The following RBFOX3 variants were observed in gnomAD, a reference collection of about 807,000 sequenced individuals.
RBFOX3 encodes RNA binding protein fox-1 homolog 3.
RBFOX3 carries 17 observed loss-of-function variants against 48.7 expected under a neutral mutation model. That is an observed-to-expected ratio of 0.35 (90% confidence interval 0.24 to 0.52). The LOEUF (loss-of-function observed/expected upper bound fraction) is 0.52. Ranked by LOEUF, RBFOX3 falls within the 20% of genes least tolerant of loss-of-function variation. The probability of loss-of-function intolerance (pLI) is 0.94; values close to 1 mark genes in which losing one functional copy is unlikely to be tolerated. For missense variants in RBFOX3, 382 were observed against 497.5 expected (o/e 0.77, Z 2.21); for synonymous variants, 212 against 209.5 (o/e 1.01, Z -0.10).
chr17:79,209,491 G>A (rs947008739), intron 4 of RBFOX3, among the ~76,000 whole-genome samples: 3 of 152,286 alleles, frequency 2.0e-5, no homozygotes, highest in African/African-American at 7.2e-5. Context: ...GGCCGGCACC[G>A]CAGGTGTGGC....
At chr17:79,654,720 A>G in the RBFOX3 span, among the ~76,000 whole-genome samples, 1 of 152,208 alleles carries the variant, frequency 6.6e-6, no homozygotes. Flanking sequence ...AGCACCTTGC[A>G]GGGGAGGGCC....
chr17:79,585,402 G>A (rs1323316922), intron 1 of RBFOX3, among the ~76,000 whole-genome samples: 7 of 151,430 alleles, frequency 4.6e-5, no homozygotes, highest in South Asian at 4.2e-4. Flanking sequence ...CTAAAAATAC[G>A]AAAAATGAGC....
In RBFOX3 at chr17:79,333,885, C is replaced by T. The variant is rs555682503; in HGVS notation, c.-174-26061G>A. On this transcript the variant is annotated intron_variant, in intron 2 of 14. Coordinates refer to ENST00000693108, the MANE Select transcript of RBFOX3 (RefSeq NM_001350451.2). ...GAGGCATCATCCTGGGACCTTCCCC[C>T]TCTCCCAGATGCCGAGGTGTCTCCT... 2.0e-5 allele frequency among the ~76,000 whole-genome samples: 3 copies of T among 152,140 alleles called. No homozygotes were observed. The South Asian group carries it at 6.2e-4, about 32-fold the overall frequency.
At chr17:79,106,835 T>C (rs1396585952) in intron 5 of RBFOX3, 47 bp from the exon 6 acceptor site, 90 of 1,476,058 alleles carry the variant, frequency 6.1e-5, no homozygotes, top group Non-Finnish European at 3.6e-6. Context: ...GTGTGCGGGG[T>C]TGCCCATCCC....
At chr17:79,567,332 C>A (rs1188499857) in intron 1 of RBFOX3, among the ~76,000 whole-genome samples, 1 of 151,860 alleles carries the variant, frequency 6.6e-6, no homozygotes, top group Non-Finnish European at 1.5e-5. Context: ...TATAGGTGCC[C>A]ACCACTATGC....
intron 1 of RBFOX3, among the ~76,000 whole-genome samples, chr17:79,491,925 T>C (rs1469532424): frequency 6.6e-6 from 1 of 151,908 alleles, no homozygotes; most frequent in African/African-American, 2.4e-5. Flanking sequence ...ACTAAAAAAC[T>C]ACAAAAATTA....
chr17:79,211,597 C>T (rs1053667165), intron 4 of RBFOX3, among the ~76,000 whole-genome samples: 29 of 152,306 alleles, frequency 1.9e-4, no homozygotes, highest in Non-Finnish European at 3.5e-4. Context: ...TACTCATCCC[C>T]TGCGGATGCC....
At chr17:79,244,536 G>C (rs2062855292) in intron 3 of RBFOX3, among the ~76,000 whole-genome samples, 2 of 149,544 alleles carry the variant, frequency 1.3e-5, no homozygotes, top group Non-Finnish European at 3.0e-5. Context: ...CGCACAGTGG[G>C]CCTGGTTTTC....
chr17:79,484,402 AAAGTGT>A (rs2079216326), intron 1 of RBFOX3, among the ~76,000 whole-genome samples: 2 of 152,080 alleles, frequency 1.3e-5, no homozygotes, highest in Non-Finnish European at 2.9e-5. Flanking sequence ...TTCAATGGCA[AAAGTGT>A]AAGTAATAGG....
intron 4 of RBFOX3, among the ~76,000 whole-genome samples, chr17:79,149,159 G>A (rs1018320600): frequency 6.6e-6 from 1 of 152,220 alleles, no homozygotes; most frequent in Non-Finnish European, 1.5e-5. Flanking sequence ...TGCCTGCCAG[G>A]AAAATGCGAC....
At chr17:79,382,569 T>C (rs964539062) in intron 2 of RBFOX3, among the ~76,000 whole-genome samples, 1 of 152,220 alleles carries the variant, frequency 6.6e-6, no homozygotes, top group Non-Finnish European at 1.5e-5. Flanking sequence ...TGGTTCCACA[T>C]GTGCTTGCTG....
intron 4 of RBFOX3, among the ~76,000 whole-genome samples, chr17:79,230,743 G>A (rs192292440): frequency 9.2e-5 from 14 of 152,178 alleles, no homozygotes; most frequent in South Asian, 6.2e-4. Flanking sequence ...CCAGGCTCAC[G>A]AGTGCTTCTG....
intron 4 of RBFOX3, among the ~76,000 whole-genome samples, chr17:79,166,671 G>C (rs1214635603): frequency 2.0e-5 from 3 of 152,058 alleles, no homozygotes; most frequent in Admixed American, 2.0e-4. Flanking sequence ...CCATCCACCT[G>C]GCCGAGGGAA....
At chr17:79,603,105 C>T (rs990844048) in intron 1 of RBFOX3, among the ~76,000 whole-genome samples, 2 of 151,584 alleles carry the variant, frequency 1.3e-5, no homozygotes, top group African/African-American at 4.9e-5. Flanking sequence ...ATTCTCCTGC[C>T]TCAGCCTCCT....
chr17:79,467,959 A>C (rs1340005732), intron 2 of RBFOX3, among the ~76,000 whole-genome samples: 3 of 151,932 alleles, frequency 2.0e-5, no homozygotes, highest in Non-Finnish European at 4.4e-5. Flanking sequence ...CAGGTATGAG[A>C]ACCCAGGAGA....
intron 4 of RBFOX3, among the ~76,000 whole-genome samples, chr17:79,149,001 A>T (rs1272390434): frequency 6.6e-6 from 1 of 152,162 alleles, no homozygotes; most frequent in South Asian, 2.1e-4. Flanking sequence ...TAAAACCCTC[A>T]TGCTGTTCTG....
intron 3 of RBFOX3, among the ~76,000 whole-genome samples, chr17:79,273,964 C>A (rs2068235234): frequency 6.6e-6 from 1 of 152,182 alleles, no homozygotes; most frequent in Non-Finnish European, 1.5e-5. Context: ...CCAGGGTTGG[C>A]GATTCAGCAC....
chr17:79,188,516 G>A (rs547764324), intron 4 of RBFOX3, among the ~76,000 whole-genome samples: 3 of 152,312 alleles, frequency 2.0e-5, no homozygotes, highest in South Asian at 2.1e-4. Flanking sequence ...GACTGAAAGC[G>A]AAGGGCACAC....
intron 1 of RBFOX3, chr17:79,599,335 T>C (rs1264176889): frequency 1.3e-5 from 2 of 152,342 alleles, no homozygotes; most frequent in African/African-American, 2.4e-5. Flanking sequence ...CTGGCCTTGG[T>C]GGAGGCGAAT....
Sources: allele counts gnomAD v4.1 joint callset (sites outside exome capture counted in the v4.1 genomes callset), GRCh38; gene constraint gnomAD v4.1.1; transcripts MANE v1.5; gene names NCBI Gene and HGNC (gene_info 2026-07-23, HGNC 2026-07-21).